LARGE1: variants seen among roughly 807,000 people sequenced by gnomAD.
LARGE1 encodes xylosyl- and glucuronyltransferase LARGE1.
Under a neutral mutation model 87.6 loss-of-function variants are expected in LARGE1, and 43 were observed. The ratio of observed to expected loss-of-function variants is 0.49; its 90% CI spans 0.38 to 0.63. The LOEUF (loss-of-function observed/expected upper bound fraction) is 0.63. LARGE1 is among the 30% of genes least tolerant of loss of function. LARGE1 has a pLI of 0.00. For synonymous variants in LARGE1, 434 were observed against 394.6 expected (o/e 1.10, Z -1.18); for missense variants, 802 against 1,000.2 (o/e 0.80, Z 2.67).
chr22:33,337,700 A>C lies in LARGE1; in HGVS notation c.1233T>G (p.Leu411=). ...GGCAGCCAAACAGTTCCCGCCTCAG[A>C]AGATTGCCGTCATACTCCAGGAAGG... ...YLTFLEYDGN[L]LRRELFGCPS... The change falls in exon 10 of 15, where the codon CTT becomes CTG. Residue 411 remains leucine, a synonymous_variant. Transcript: ENST00000397394. 1 of 1,614,066 alleles carries C rather than the reference A, an allele frequency of 6.2e-7. No homozygotes were observed. Among genetic ancestry groups the C allele is most frequent in the Non-Finnish European group, 8.5e-7 (1 of 1,180,010 alleles).
intron 12 of LARGE1, among the ~76,000 whole-genome samples, chr22:33,296,441 G>A (rs1933269792): frequency 6.6e-6 from 1 of 152,194 alleles, no homozygotes; most frequent in South Asian, 2.1e-4. Flanking sequence ...AAGCCATGAT[G>A]ATGGTCATGG....
intron 11 of LARGE1, among the ~76,000 whole-genome samples, chr22:33,312,429 ACT>A (rs1935703592): frequency 1.4e-5 from 2 of 140,812 alleles, no homozygotes; most frequent in Non-Finnish European, 3.0e-5. Flanking sequence ...ACACCGCAAG[ACT>A]CTGTCTCAAA....
chr22:33,845,749 T>G (rs1051048886), intron 1 of LARGE1, among the ~76,000 whole-genome samples: 1 of 152,186 alleles, frequency 6.6e-6, no homozygotes, highest in Non-Finnish European at 1.5e-5. Flanking sequence ...CCAATATCAG[T>G]AATTATCAAG....
At chr22:33,889,370 C>A (rs1471337484) in intron 1 of LARGE1, 1 of 152,254 alleles carries the variant, frequency 6.6e-6, no homozygotes, top group African/African-American at 2.4e-5. Flanking sequence ...CCATTTATGA[C>A]ATCTTTTTCA....
intron 5 of LARGE1, among the ~76,000 whole-genome samples, chr22:33,586,699 C>T (rs760736411): frequency 5.9e-5 from 9 of 152,114 alleles, no homozygotes; most frequent in African/African-American, 1.2e-4. Context: ...CCTCATGATC[C>T]GTCCGCCTCA....
intron 4 of LARGE1, among the ~76,000 whole-genome samples, chr22:33,606,773 A>G (rs1602682878): frequency 6.6e-6 from 1 of 152,136 alleles, no homozygotes; most frequent in East Asian, 1.9e-4. Flanking sequence ...TGGAGCTCAC[A>G]GTCTTGCCCA....
At chr22:33,201,839 T>C (rs919348727) in intron 11 of LARGE1, among the ~76,000 whole-genome samples, 2 of 152,116 alleles carry the variant, frequency 1.3e-5, no homozygotes, top group Non-Finnish European at 2.9e-5. Flanking sequence ...CCAAGTTACA[T>C]TTAAAGAATC....
intron 1 of LARGE1, among the ~76,000 whole-genome samples, chr22:33,839,082 C>T (rs2063193929): frequency 6.6e-6 from 1 of 152,138 alleles, no homozygotes; most frequent in Non-Finnish European, 1.5e-5. Context: ...AAAGAAATTC[C>T]TGAGGCTGAG....
chr22:33,139,266 G>A, the LARGE1 span, among the ~76,000 whole-genome samples: 4 of 152,288 alleles, frequency 2.6e-5, no homozygotes, highest in East Asian at 7.7e-4. Context: ...GATAATCAGT[G>A]ATGTTGAGCA....
At chr22:33,552,217 G>C (rs2077545210) in intron 6 of LARGE1, among the ~76,000 whole-genome samples, 2 of 152,272 alleles carry the variant, frequency 1.3e-5, no homozygotes, top group South Asian at 4.1e-4. Flanking sequence ...CATCATGGCA[G>C]AGCAGGCTTC....
At chr22:33,645,917 C>A (rs564201869) in intron 3 of LARGE1, among the ~76,000 whole-genome samples, 1 of 151,984 alleles carries the variant, frequency 6.6e-6, no homozygotes, top group Non-Finnish European at 1.5e-5. Flanking sequence ...GTTGGAATGG[C>A]GATCATTAAA....
At chr22:33,650,344 C>T (rs373032099) in intron 3 of LARGE1, 23 bp downstream of exon 3, 1 of 1,613,814 alleles carries the variant, frequency 6.2e-7, no homozygotes, top group Non-Finnish European at 8.5e-7. Context: ...CAACTTCCTC[C>T]CCAGGCTCCA....
rs531042327 is a variant in LARGE1 at position 33,839,941 on chromosome 22, A to G, written c.-82-78383T>C. On this transcript the variant is annotated intron_variant, in intron 1 of 14. Transcript: ENST00000397394. ...CCAGGCTTCAAACCCAGATGCATTC[A>G]ACCCTAAAGCCCAGGCACCTTCTGC... is the stretch of plus-strand genomic sequence containing the variant. Among the ~76,000 whole-genome samples the G allele has an allele frequency of 5.9e-5, 9 of 152,272 alleles. No homozygotes were observed. The South Asian group carries it at 8.3e-4, about 14-fold the overall frequency.
At chr22:33,112,331 C>A in the LARGE1 span, among the ~76,000 whole-genome samples, 1 of 152,192 alleles carries the variant, frequency 6.6e-6, no homozygotes, top group African/African-American at 2.4e-5. Flanking sequence ...TTAAGTCTCA[C>A]ATTTTTCCCC....
At chr22:33,077,390 T>C in the LARGE1 span, among the ~76,000 whole-genome samples, 1 of 152,186 alleles carries the variant, frequency 6.6e-6, no homozygotes, top group African/African-American at 2.4e-5. Context: ...CCTAGGCTGT[T>C]TAGAAATCTG....
chr22:33,090,420 C>T, the LARGE1 span, among the ~76,000 whole-genome samples: 3 of 152,028 alleles, frequency 2.0e-5, no homozygotes, highest in Non-Finnish European at 4.4e-5. Flanking sequence ...CAGAATTCTC[C>T]AGGAGGGTCT....
intron 3 of LARGE1, among the ~76,000 whole-genome samples, chr22:33,634,434 C>T (rs2080204701): frequency 6.6e-6 from 1 of 152,138 alleles, no homozygotes; most frequent in South Asian, 2.1e-4. Context: ...AGTAAAAACT[C>T]AACACATGTT....
rs1039906146 is a variant in LARGE1, at chr22:33,876,972, C to A, written c.-83+43023G>T. Among the ~76,000 whole-genome samples the A allele has an allele frequency of 4.6e-5, 7 of 152,050 alleles. No individual in the cohort carries two copies. The South Asian group carries it at 1.5e-3, about 32-fold the overall frequency. On this transcript the variant is annotated intron_variant, in intron 1 of 14. Coordinates refer to ENST00000397394, the MANE Select transcript of LARGE1 (RefSeq NM_133642.5). ...CTCTGGTCATCTCTCCACATAAGCC[C>A]CCTTCACCCAGGGCTGTATTTATAA...
intron 4 of LARGE1, among the ~76,000 whole-genome samples, chr22:33,609,481 C>T (rs762471579): frequency 6.6e-6 from 1 of 152,120 alleles, no homozygotes; most frequent in Non-Finnish European, 1.5e-5. Flanking sequence ...TGGGAGGTTT[C>T]CATGAACTAT....
Sources: gnomAD v4.1 joint callset for allele counts (sites outside exome capture counted in the v4.1 genomes callset) on GRCh38, gnomAD v4.1.1 for gene constraint, MANE v1.5 for transcripts, NCBI Gene and HGNC (gene_info 2026-07-23, HGNC 2026-07-21) for gene names.